DACH2: variants seen among roughly 807,000 people sequenced by gnomAD.
DACH2 encodes dachshund family transcription factor 2.
A neutral mutation model predicts 35.8 loss-of-function variants in DACH2; 17 were observed. The ratio of observed to expected loss-of-function variants is 0.48; its 90% CI spans 0.33 to 0.71. DACH2 has a LOEUF of 0.71. Ranked by LOEUF, DACH2 falls within the 30% of genes least tolerant of loss-of-function variation. The pLI is 0.02. For missense variants in DACH2, 469 were observed against 472.7 expected, an observed-to-expected ratio of 0.99 and a Z score of 0.07; for synonymous variants, 195 against 177.3, an observed-to-expected ratio of 1.10 and a Z score of -0.79.
chrX:86,760,000 G>A (rs920811260), intron 7 of DACH2, among the ~76,000 whole-genome samples: 8 of 111,631 alleles, frequency 7.2e-5, no homozygotes, highest in African/African-American at 2.6e-4. Flanking sequence ...TCCTTGAATG[G>A]CATTATTTTT....
At chrX:86,159,937 ACT>A (rs1002560654) in intron 1 of DACH2, among the ~76,000 whole-genome samples, 2 of 110,663 alleles carry the variant, frequency 1.8e-5, no homozygotes, top group Non-Finnish European at 3.8e-5. Flanking sequence ...TTCTGATTAA[ACT>A]CTCTTTTAAT....
intron 2 of DACH2, among the ~76,000 whole-genome samples, chrX:86,506,109 G>C (rs940179462): frequency 2.7e-5 from 3 of 111,769 alleles, no homozygotes; most frequent in African/African-American, 9.8e-5. Context: ...GTCTGGATGG[G>C]CTTGACTGGG....
At chrX:86,401,663 A>G (rs930065617) in intron 2 of DACH2, among the ~76,000 whole-genome samples, 1 of 110,002 alleles carries the variant, frequency 9.1e-6, no homozygotes, top group South Asian at 4.0e-4. Flanking sequence ...ACAAGCAGTT[A>G]CATTTAACTG....
chrX:86,243,104 T>C (rs966522921), intron 1 of DACH2, among the ~76,000 whole-genome samples: 21 of 111,804 alleles, frequency 1.9e-4, no homozygotes, highest in African/African-American at 6.5e-4. Context: ...ATTTTACTTC[T>C]TGTTCTTCAT....
intron 7 of DACH2, among the ~76,000 whole-genome samples, chrX:86,750,571 C>T (rs1462086725): frequency 1.8e-5 from 2 of 111,559 alleles, no homozygotes; most frequent in Non-Finnish European, 1.9e-5. Flanking sequence ...AAACTTTAAA[C>T]CAGTTGAACA....
intron 3 of DACH2, among the ~76,000 whole-genome samples, chrX:86,534,130 G>T (rs1444453228): frequency 8.9e-6 from 1 of 111,741 alleles, no homozygotes; most frequent in Non-Finnish European, 1.9e-5. Flanking sequence ...TTGAAACCTT[G>T]GTCACTTGTC....
At chrX:86,283,254 A>G (rs909948034) in intron 1 of DACH2, among the ~76,000 whole-genome samples, 1 of 111,549 alleles carries the variant, frequency 9.0e-6, no homozygotes, top group Non-Finnish European at 1.9e-5. Context: ...GGATGTGGAG[A>G]AATAGGGACA....
At chrX:86,580,298 GA>G (rs1452656008) in intron 3 of DACH2, among the ~76,000 whole-genome samples, 1 of 111,815 alleles carries the variant, frequency 8.9e-6, no homozygotes, top group Non-Finnish European at 1.9e-5. Flanking sequence ...ACCAGTGCAA[GA>G]AATCTGGCAA....
At chrX:86,588,122 G>A (rs772801126) in intron 3 of DACH2, among the ~76,000 whole-genome samples, 15 of 111,262 alleles carry the variant, frequency 1.3e-4, no homozygotes, top group Admixed American at 5.8e-4. Context: ...TTATTAAATA[G>A]GTAGTCATTT....
chrX:86,159,389 C>T (rs1177153418), intron 1 of DACH2, among the ~76,000 whole-genome samples: 1 of 111,600 alleles, frequency 9.0e-6, no homozygotes, highest in Non-Finnish European at 1.9e-5. Flanking sequence ...TACTGTTAAG[C>T]TTGCTGCTTT....
intron 7 of DACH2, among the ~76,000 whole-genome samples, chrX:86,779,090 A>C (rs1365076021): frequency 8.9e-6 from 1 of 111,960 alleles, no homozygotes; most frequent in Non-Finnish European, 1.9e-5. Flanking sequence ...GTATATACAC[A>C]TATATAATGT....
intron 7 of DACH2, among the ~76,000 whole-genome samples, chrX:86,741,126 A>C (rs2041651329): frequency 8.9e-6 from 1 of 111,772 alleles, no homozygotes; most frequent in African/African-American, 3.2e-5. Context: ...GAATGTTTAC[A>C]GCTCATAATA....
chrX:86,238,500 A>C (rs1003054759), intron 1 of DACH2, among the ~76,000 whole-genome samples: 1 of 112,016 alleles, frequency 8.9e-6, no homozygotes, highest in Non-Finnish European at 1.9e-5. Context: ...ACCTACTCTT[A>C]AACTTTGAAA....
chrX:86,546,707 G>T (rs148906922), intron 3 of DACH2, among the ~76,000 whole-genome samples: 2,254 of 106,086 alleles, frequency 0.021, 77 homozygotes, highest in African/African-American at 0.074. Context: ...GTAGAGAAGG[G>T]GTTTCACCAT....
intron 2 of DACH2, among the ~76,000 whole-genome samples, chrX:86,446,008 T>C (rs1007407298): frequency 9.0e-6 from 1 of 111,474 alleles, no homozygotes; most frequent in Non-Finnish European, 1.9e-5. Context: ...ACTATTAATA[T>C]TTGTTTTATA....
chrX:86,714,900 T>TTTCA (rs2041318903), intron 6 of DACH2, among the ~76,000 whole-genome samples, 180 bp downstream of exon 6: 1 of 112,020 alleles, frequency 8.9e-6, no homozygotes, highest in Non-Finnish European at 1.9e-5. Context: ...GTTTGTTTGT[T>TTTCA]TTCATTCTAT....
intron 7 of DACH2, among the ~76,000 whole-genome samples, chrX:86,809,931 A>G (rs1330590893): frequency 9.0e-6 from 1 of 110,996 alleles, no homozygotes; most frequent in African/African-American, 3.3e-5. Context: ...TATCAAAATG[A>G]ATCATTGCCT....
intron 3 of DACH2, among the ~76,000 whole-genome samples, chrX:86,591,626 C>T (rs1602677791): frequency 9.3e-6 from 1 of 108,047 alleles, no homozygotes; most frequent in East Asian, 2.9e-4. Context: ...CAACCTCCGC[C>T]TCCTGGGTTC....
chrX:86,228,606 C>T (rs1437073418), intron 1 of DACH2, among the ~76,000 whole-genome samples: 3 of 111,264 alleles, frequency 2.7e-5, no homozygotes, highest in Non-Finnish European at 3.8e-5. Context: ...CCCTGATCAT[C>T]GCATCTACGC....
Sources: gnomAD v4.1 joint callset for allele counts (sites outside exome capture counted in the v4.1 genomes callset) on GRCh38, gnomAD v4.1.1 for gene constraint, MANE v1.5 for transcripts, NCBI Gene and HGNC (gene_info 2026-07-23, HGNC 2026-07-21) for gene names.